Variants in A2M observed in about 807,000 individuals in gnomAD.
A2M encodes the protein C3 and PZP-like alpha-2-macroglobulin domain-containing protein 5.
Under a neutral mutation model 183.9 loss-of-function variants are expected in A2M, and 128 were observed. That is an observed-to-expected ratio of 0.70 (90% CI 0.60 to 0.81). The LOEUF is 0.81. A2M is among the 30% of genes least tolerant of loss of function. The pLI, the probability that A2M is intolerant of heterozygous loss-of-function variation, is 0.00. For missense variants in A2M, 1,495 were observed against 1,787.6 expected (o/e 0.84, Z 2.95); for synonymous variants, 592 against 670.8 (o/e 0.88, Z 1.81).
chr12:9,110,359 T>C, intron 4 of A2M, 25 bp from the exon 5 acceptor site: 1 of 1,346,188 alleles, frequency 7.4e-7, no homozygotes, highest in Non-Finnish European at 1.0e-6. Context: ...AAAAAAGAAG[T>C]TTATAATTAT....
chr12:9,098,672 C>T lies in A2M; in HGVS notation c.1786G>A (p.Ala596Thr), dbSNP rs368979443. ...RVTAAPQSVC[A>T]LRAVDQSVLL... ...ACGCTTTGGTCCACAGCACGGAGGG[C>T]GCAGACGGACTGAGGAGCCGCTGTG... The change falls in exon 15 of 36, where the codon GCC (alanine) becomes ACC (threonine). Residue 596 changes from alanine to threonine, a missense_variant. Transcript: ENST00000318602. 2.5e-6 allele frequency: 4 copies of T among 1,611,328 alleles called. No individual in the cohort carries two copies. Among genetic ancestry groups the T allele is most frequent in the East Asian group, 2.2e-5 (1 of 44,854 alleles).
At position 9,101,457 on chromosome 12, in the gene A2M, A is replaced by G. The variant is rs770818039; in HGVS notation, c.1484T>C (p.Phe495Ser). Residue 495 changes from phenylalanine to serine, a missense_variant, in exon 12 of 36, where the codon TTC (phenylalanine) becomes TCC (serine). Transcript: ENST00000318602. ...GTLLGLKKLS[F>S]YYLIMAKGGI... ...AACCTCCCTTCTCACCAGATAATAG[A>G]AGGAGAGCTTCTTCAGCCCCAGCAG... 6.2e-7 allele frequency: 1 copy of G among 1,613,288 alleles called. No homozygotes were observed. The highest frequency in any genetic ancestry group is 1.1e-5 in the South Asian group (1 of 90,942).
rs762417284 is a variant in A2M, at chr12:9,072,311, G to A, written c.4103+48C>T. On this transcript the variant is annotated intron_variant, in intron 31 of 35. Transcript: ENST00000318602. ...ACTTAAAGAGGAGTTCCCGAAAGAA[G>A]ACTGGTGGTTATTCTTAGGATTAGG... 15 of 1,598,164 alleles carry A rather than the reference G, an allele frequency of 9.4e-6. No individual in the cohort carries two copies. In the African/African-American group the frequency reaches 1.9e-4, roughly 20 times the overall value.
At chr12:9,086,834 G>C (rs1949065220) in intron 22 of A2M, among the ~76,000 whole-genome samples, 1 of 152,140 alleles carries the variant, frequency 6.6e-6, no homozygotes, top group African/African-American at 2.4e-5. Context: ...AATTGACAAG[G>C]AAGAAGTAAA....
Position 9,090,393 on chromosome 12 carries a change from C to T in A2M, c.2559G>A (p.Arg853=), listed in dbSNP as rs765023487. The T allele has an allele frequency of 6.2e-7, 1 of 1,613,988 alleles. No individual in the cohort carries two copies. Among genetic ancestry groups the T allele is most frequent in the Non-Finnish European group, 8.5e-7 (1 of 1,179,864 alleles). Residue 853 remains arginine, a synonymous_variant, in exon 20 of 36, where the codon CGG becomes CGA. Transcript: ENST00000318602. ...GGGTTACTGCCCAGGACACAGTTTG[C>T]CGCCCGTTTGCACAGATGCAGTGAG... ...QAPHCICANG[R]QTVSWAVTPK... is the part of the protein sequence containing the mutation.
At chr12:9,091,516 C>A (rs1031958682) in intron 18 of A2M, 87 bp from the exon 19 acceptor site, 3 of 1,388,132 alleles carry the variant, frequency 2.2e-6, no homozygotes, top group Non-Finnish European at 3.0e-6. Context: ...GATTCTACTG[C>A]CATGACTTAA....
At chr12:9,090,852 G>A (rs769728108) in intron 19 of A2M, among the ~76,000 whole-genome samples, 1 of 152,218 alleles carries the variant, frequency 6.6e-6, no homozygotes, top group African/African-American at 2.4e-5. Flanking sequence ...GCTCACAAAC[G>A]ACTTTTAAAA....
chr12:9,107,347 C>T (rs995516241), intron 8 of A2M, among the ~76,000 whole-genome samples, 177 bp downstream of exon 8: 10 of 152,110 alleles, frequency 6.6e-5, no homozygotes, highest in African/African-American at 1.7e-4. Context: ...TGGGCAATTA[C>T]GAGAAATAAA....
At position 9,071,372 on chromosome 12, in the gene A2M, G is replaced by A. The variant is rs1031577490; in HGVS notation, c.4104-794C>T. ...GTCTTGTCCCCGAGAGTTTGCATCC[G>A]AAATTTGGACTGCTTAATTTATTTT... On this transcript the variant is annotated intron_variant, in intron 31 of 35. Transcript: ENST00000318602. Among the ~76,000 whole-genome samples the A allele has an allele frequency of 9.2e-5, 14 of 151,822 alleles. No homozygotes were observed. The East Asian group carries it at 1.5e-3, about 17-fold the overall frequency.
In A2M at chr12:9,101,563, G is replaced by A. The variant is rs892581328; in HGVS notation, c.1378C>T (p.His460Tyr). 6.8e-6 allele frequency: 11 copies of A among 1,613,850 alleles called. No individual in the cohort carries two copies. Among genetic ancestry groups the A allele is most frequent in the Non-Finnish European group, 9.3e-6 (11 of 1,179,884 alleles). Reference protein sequence around the residue: ...LVFSPSKSFVHLEPMSHELPC... With the variant: ...LVFSPSKSFVYLEPMSHELPC... ...AGTTCATGAGACATGGGCTCAAGGT[G>A]GACAAAGCTCTTGCTTGGGGAGAAC... Residue 460 changes from histidine (H) to tyrosine (Y), a missense_variant, in exon 12 of 36, where the codon CAC becomes TAC. Coordinates refer to ENST00000318602, the MANE Select transcript of A2M (RefSeq NM_000014.6).
Position 9,067,796 on chromosome 12 carries a change from G to C in A2M, c.*27C>G. The C allele has an allele frequency of 6.2e-7, 1 of 1,611,440 alleles. No individual in the cohort carries two copies. The highest frequency in any genetic ancestry group is 2.2e-5 in the East Asian group (1 of 44,860). On this transcript the variant is annotated 3_prime_UTR_variant, in exon 36 of 36. Transcript: ENST00000318602. ...GTGGAGCTCTGAGAACAGGACTCCA[G>C]CAAAGCACTTTTCAGCCTTGTGGTC...
At position 9,095,588 on chromosome 12, in the gene A2M, T is replaced by C; in HGVS notation, c.1964A>G (p.Tyr655Cys). 6.2e-7 allele frequency: 1 copy of C among 1,612,402 alleles called. No homozygotes were observed. Among genetic ancestry groups the C allele is most frequent in the Non-Finnish European group, 8.5e-7 (1 of 1,178,518 alleles). ...TTCATTTGTACTTGATACTGGAGTA[T>C]ATGTGATTCCATTAATATAGACATT... ...RHNVYINGIT[Y>C]TPVSSTNEKD... Residue 655 changes from tyrosine (Y) to cysteine (C), a missense_variant, in exon 16 of 36, where the codon TAT becomes TGT. Transcript: ENST00000318602.
intron 2 of A2M, among the ~76,000 whole-genome samples, chr12:9,113,112 T>C (rs912519935): frequency 6.6e-6 from 1 of 151,774 alleles, no homozygotes; most frequent in African/African-American, 2.4e-5. Flanking sequence ...TTTCTTTTTT[T>C]TTTTTTCCTT....
At chr12:9,068,913 C>A in intron 33 of A2M, 71 bp from the exon 34 acceptor site, 1 of 1,143,312 alleles carries the variant, frequency 8.7e-7, no homozygotes, top group Non-Finnish European at 1.2e-6. Context: ...TTTAAGTATT[C>A]ACCTGTTTTT....
At chr12:9,086,973 AGTATTT>A (rs1173437612) in intron 22 of A2M, among the ~76,000 whole-genome samples, 2 of 152,236 alleles carry the variant, frequency 1.3e-5, no homozygotes, top group Non-Finnish European at 2.9e-5. Context: ...AAAAATCAGT[AGTATTT>A]TCTGTTCACT....
intron 9 of A2M, 22 bp from the exon 10 acceptor site, chr12:9,106,367 T>G (rs757550677): frequency 6.5e-7 from 1 of 1,548,936 alleles, no homozygotes; most frequent in Non-Finnish European, 8.9e-7. Context: ...GAAAAAAATC[T>G]GTTATTTTTG....
Position 9,095,017 on chromosome 12 carries a change from T to A in A2M, c.2081A>T (p.Gln694Leu). 1 of 1,594,488 alleles carries A rather than the reference T, an allele frequency of 6.3e-7. No individual in the cohort carries two copies. The highest frequency in any genetic ancestry group is 1.2e-5 in the South Asian group (1 of 86,352). Residue 694 changes from glutamine to leucine, a missense_variant, in exon 17 of 36, where the codon CAG becomes CTG. Gln to Leu is a moderately radical substitution (Grantham distance 113). Coordinates refer to ENST00000318602, the MANE Select transcript of A2M (RefSeq NM_000014.6). ...RKPKMCPQLQ[Q>L]YEMHGPEGLR... ...ACCTTCAGGTCCATGCATTTCATAC[T>A]GTTGAAGCTGTGGACACATTTTGGG...
Position 9,104,266 on chromosome 12 carries a change from A to C in A2M, c.1239T>G (p.Asn413Lys). Residue 413 changes from asparagine to lysine, a missense_variant, in exon 11 of 36, where the codon AAT becomes AAG. By Grantham distance (94) the Asn-to-Lys change is moderately conservative (BLOSUM62 0). Transcript: ENST00000318602. ...GLVQFSINTTNVMGTSLTVRV... is the reference protein window; with the variant it reads ...GLVQFSINTTKVMGTSLTVRV... ...TAACAGTAAGAGAGGTACCCATAAC[A>C]TTGGTGGTGTTGATAGAGAACTGTA... 6 of 1,612,882 alleles carry C rather than the reference A, an allele frequency of 3.7e-6. No individual in the cohort carries two copies. The highest frequency in any genetic ancestry group is 1.3e-5 in the African/African-American group (1 of 74,978).
At chr12:9,113,087 T>C (rs1484417752) in intron 2 of A2M, among the ~76,000 whole-genome samples, 1 of 142,644 alleles carries the variant, frequency 7.0e-6, no homozygotes, top group Non-Finnish European at 1.5e-5. Context: ...CCATCTTAAT[T>C]TTAAGAAGTC....
Sources: allele counts gnomAD v4.1 joint callset (sites outside exome capture counted in the v4.1 genomes callset), GRCh38; gene constraint gnomAD v4.1.1; transcripts MANE v1.5; gene names NCBI Gene and HGNC (gene_info 2026-07-23, HGNC 2026-07-21).